The following LRRIQ1 variants were observed in gnomAD, a reference collection of about 807,000 sequenced individuals.
LRRIQ1 encodes leucine rich repeats and IQ motif containing 1.
LRRIQ1 carries 210 observed loss-of-function variants against 211.9 expected under a neutral mutation model. That is an observed-to-expected ratio of 0.99 (90% CI 0.89 to 1.11). The LOEUF (loss-of-function observed/expected upper bound fraction) is 1.11. Ranked by LOEUF, LRRIQ1 falls within the 50% of genes most tolerant of loss-of-function variation. The probability of loss-of-function intolerance (pLI) is 0.00; values close to 1 mark genes in which losing one functional copy is unlikely to be tolerated. For synonymous variants in LRRIQ1, 699 were observed against 650.1 expected (o/e 1.08, Z -1.14); for missense variants, 2,136 against 1,939.5 (o/e 1.10, Z -1.90).
At chr12:85,123,417 A>G (rs1888128687) in intron 16 of LRRIQ1, among the ~76,000 whole-genome samples, 2 of 152,228 alleles carry the variant, frequency 1.3e-5, no homozygotes, top group East Asian at 1.9e-4. Flanking sequence ...AGCCAAGAAT[A>G]AGGCTCATAC....
At chr12:85,157,746 C>T (rs1890631727) in intron 23 of LRRIQ1, among the ~76,000 whole-genome samples, 1 of 151,654 alleles carries the variant, frequency 6.6e-6, no homozygotes, top group Non-Finnish European at 1.5e-5. Flanking sequence ...GTGGAGCACT[C>T]CTCAGAGTGC....
At chr12:85,230,846 GA>G (rs1312855812) in intron 25 of LRRIQ1, among the ~76,000 whole-genome samples, 2 of 151,818 alleles carry the variant, frequency 1.3e-5, no homozygotes, top group Admixed American at 6.6e-5. Context: ...TCAGGAGATC[GA>G]AACCATCCTG....
intron 6 of LRRIQ1, chr12:85,047,982 T>TTAATGATAC: frequency 6.6e-6 from 1 of 151,880 alleles, no homozygotes; most frequent in Non-Finnish European, 1.5e-5. Context: ...TATGTGTTGT[T>TTAATGATAC]GGTGTTGTTT....
chr12:85,039,772 G>A (rs1009576501), intron 2 of LRRIQ1, among the ~76,000 whole-genome samples: 1 of 151,500 alleles, frequency 6.6e-6, no homozygotes, highest in Admixed American at 6.6e-5. Flanking sequence ...TGCCATGCTT[G>A]AGGTCCCTCA....
chr12:85,131,186 C>A (rs1446905003), intron 18 of LRRIQ1, among the ~76,000 whole-genome samples: 3 of 151,132 alleles, frequency 2.0e-5, no homozygotes, highest in Non-Finnish European at 4.4e-5. Flanking sequence ...GCACTCCAGC[C>A]TGGGCAACAG....
chr12:85,047,993 T>G, intron 6 of LRRIQ1: 2 of 144,106 alleles, frequency 1.4e-5, no homozygotes, highest in Non-Finnish European at 3.1e-5. Flanking sequence ...GGTGTTGTTT[T>G]CCCCCTAGGA....
At chr12:85,065,773 A>G (rs193010790) in intron 9 of LRRIQ1, among the ~76,000 whole-genome samples, 1 of 151,900 alleles carries the variant, frequency 6.6e-6, no homozygotes, top group African/African-American at 2.4e-5. Context: ...TCTGATTTCT[A>G]TTATATTTAC....
At chr12:85,069,118 A>G (rs12321053) in intron 10 of LRRIQ1, among the ~76,000 whole-genome samples, 62,243 of 126,074 alleles carry the variant, frequency 0.49, 14,636 homozygotes, top group Middle Eastern at 0.63. Flanking sequence ...AGTCCCCGGT[A>G]TGTGATGTTC....
chr12:85,102,601 A>AG (rs570190481), intron 13 of LRRIQ1, among the ~76,000 whole-genome samples: 3 of 151,676 alleles, frequency 2.0e-5, no homozygotes, highest in Non-Finnish European at 4.4e-5. Context: ...ACAAGGGAAG[A>AG]GTGAAGGTCA....
intron 10 of LRRIQ1, 107 bp from the exon 11 acceptor site, chr12:85,072,800 T>C (rs1048654511): frequency 3.1e-6 from 2 of 654,898 alleles, no homozygotes; most frequent in Non-Finnish European, 4.8e-6. Flanking sequence ...TAGATTTAGG[T>C]TTTATTTTTT....
At chr12:85,229,293 G>T (rs1894818503) in intron 24 of LRRIQ1, among the ~76,000 whole-genome samples, 1 of 152,092 alleles carries the variant, frequency 6.6e-6, no homozygotes, top group African/African-American at 2.4e-5. Flanking sequence ...TTGATTTTAA[G>T]TATTTTTTTC....
At chr12:85,236,265 T>A (rs1895167097) in intron 26 of LRRIQ1, among the ~76,000 whole-genome samples, 1 of 152,168 alleles carries the variant, frequency 6.6e-6, no homozygotes, top group African/African-American at 2.4e-5. Flanking sequence ...ATCAGTTGAC[T>A]CTGTTAAATT....
At chr12:85,106,461 A>T (rs1886788837) in intron 14 of LRRIQ1, 61 bp from the exon 15 acceptor site, 3 of 1,201,892 alleles carry the variant, frequency 2.5e-6, no homozygotes, top group Admixed American at 3.8e-5. Context: ...GTGGTCATAG[A>T]TTTATGATAT....
At chr12:85,251,791 CAG>C (rs1895952165) in intron 1 of LRRIQ1, among the ~76,000 whole-genome samples, 1 of 128,816 alleles carries the variant, frequency 7.8e-6, no homozygotes, top group Non-Finnish European at 1.6e-5. Context: ...AAAAAAAAAA[CAG>C]ATATAGAGGA....
intron 2 of LRRIQ1, among the ~76,000 whole-genome samples, chr12:85,038,922 G>GT (rs1216630893): frequency 1.3e-5 from 2 of 150,886 alleles, no homozygotes; most frequent in Non-Finnish European, 3.0e-5. Flanking sequence ...TCCTACTGTT[G>GT]TATATTTGTA....
At position 85,046,155 on chromosome 12, in the gene LRRIQ1, A is replaced by G. The variant is rs373306195; in HGVS notation, c.454+18A>G. Reference sequence around the variant, plus strand: ...TTTACCAGGTGGACTAAATTGCTCAATGATATGTTTGTTGATTTTTATATG... The same window carrying G: ...TTTACCAGGTGGACTAAATTGCTCAGTGATATGTTTGTTGATTTTTATATG... On this transcript the variant is annotated intron_variant, in intron 5 of 26. Coordinates refer to ENST00000393217, the MANE Select transcript of LRRIQ1 (RefSeq NM_001079910.2). The G allele has an allele frequency of 2.8e-6, 4 of 1,413,554 alleles. No homozygotes were observed. The highest frequency in any genetic ancestry group is 4.0e-6 in the Non-Finnish European group (4 of 1,011,194). The allele number at this position is 1,413,554 out of a possible 1,614,324, so 87.6% of individuals were successfully genotyped here. A position where few individuals can be genotyped will look rare whatever the true frequency, so the allele number is the denominator to read the frequency against.
chr12:85,092,392 C>T, intron 11 of LRRIQ1, among the ~76,000 whole-genome samples: 1 of 152,140 alleles, frequency 6.6e-6, no homozygotes, highest in Non-Finnish European at 1.5e-5. Context: ...CTGCACTGTG[C>T]ACTTGCCTCA....
chr12:85,149,863 T>C (rs1476741676), intron 19 of LRRIQ1, among the ~76,000 whole-genome samples: 1 of 151,796 alleles, frequency 6.6e-6, no homozygotes, highest in African/African-American at 2.4e-5. Flanking sequence ...AAAGTTTCTA[T>C]AAACTTTCTA....
chr12:85,272,301 C>CA, the LRRIQ1 span, among the ~76,000 whole-genome samples: 11 of 152,198 alleles, frequency 7.2e-5, no homozygotes, highest in East Asian at 2.1e-3. Flanking sequence ...GATTAAAGGG[C>CA]ATTTCTACTC....
Sources: allele counts gnomAD v4.1 joint callset (sites outside exome capture counted in the v4.1 genomes callset), GRCh38; gene constraint gnomAD v4.1.1; transcripts MANE v1.5; gene names NCBI Gene and HGNC (gene_info 2026-07-23, HGNC 2026-07-21).